GREB1L: variants seen among roughly 807,000 people sequenced by gnomAD.
GREB1L encodes the protein GREB1 like retinoic acid receptor coactivator.
A neutral mutation model predicts 200.8 loss-of-function variants in GREB1L; 17 were observed. The observed-to-expected ratio is 0.08, with a 90% CI of 0.06 to 0.13. GREB1L has a LOEUF of 0.13. GREB1L is among the 10% of genes least tolerant of loss of function. The pLI, the probability that GREB1L is intolerant of heterozygous loss-of-function variation, is 1.00. For synonymous variants in GREB1L, 789 were observed against 893.0 expected (o/e 0.88, Z 2.08); for missense variants, 1,657 against 2,367.7 (o/e 0.70, Z 6.23).
rs564932221 is a variant in GREB1L at position 21,502,520 on chromosome 18, G to A, written c.4072+1878G>A. On this transcript the variant is annotated intron_variant, in intron 23 of 32. Coordinates refer to ENST00000424526, the MANE Select transcript of GREB1L (RefSeq NM_001142966.3). ...CAGCCCAAGAAACTAGTTTAGGGCC[G>A]AGCAAGAGTAGGTAAAATCAGCCAT... Among the ~76,000 whole-genome samples the A allele has an allele frequency of 9.9e-5, 15 of 152,268 alleles. No individual in the cohort carries two copies. The South Asian group carries it at 2.7e-3, about 27-fold the overall frequency.
chr18:21,318,868 G>T (rs1423719277), intron 1 of GREB1L, among the ~76,000 whole-genome samples: 2 of 152,168 alleles, frequency 1.3e-5, no homozygotes, highest in Admixed American at 1.3e-4. Flanking sequence ...TCACAGGGTC[G>T]CTAACCAGTC....
At chr18:21,501,704 T>C (rs1239207449) in intron 23 of GREB1L, among the ~76,000 whole-genome samples, 3 of 152,252 alleles carry the variant, frequency 2.0e-5, no homozygotes, top group African/African-American at 7.2e-5. Context: ...TTCTGGATAC[T>C]AGTCCTTTGT....
chr18:21,285,723 G>A (rs945554185), intron 1 of GREB1L, among the ~76,000 whole-genome samples: 9 of 152,294 alleles, frequency 5.9e-5, no homozygotes, highest in African/African-American at 2.2e-4. Context: ...AAACCTGAAA[G>A]GTGCTTGGAA....
chr18:21,520,838 G>C lies in GREB1L; in HGVS notation c.5608+15G>C, dbSNP rs978690008. 3 of 1,520,872 alleles carry C rather than the reference G, an allele frequency of 2.0e-6. No individual in the cohort carries two copies. Among genetic ancestry groups the C allele is most frequent in the Non-Finnish European group, 2.7e-6 (3 of 1,129,846 alleles). 94.2% of individuals were successfully genotyped at this position (1,520,872 alleles called of 1,614,324 possible). A position where few individuals can be genotyped will look rare whatever the true frequency, so the allele number is the denominator to read the frequency against. ...ATTTCTAAAAGGTAAGTCAAATTTA[G>C]TATCTTGCTTGTAATTGCTATTGGT... On this transcript the variant is annotated intron_variant, in intron 32 of 32. Transcript: ENST00000424526.
intron 1 of GREB1L, among the ~76,000 whole-genome samples, chr18:21,352,180 T>C (rs2039443443): frequency 6.6e-6 from 1 of 152,110 alleles, no homozygotes; most frequent in Admixed American, 6.6e-5. Context: ...ATCAAATTCA[T>C]TGGCTTATGA....
At chr18:21,515,921 A>G (rs2037400759) in intron 29 of GREB1L, among the ~76,000 whole-genome samples, 1 of 152,216 alleles carries the variant, frequency 6.6e-6, no homozygotes, top group Non-Finnish European at 1.5e-5. Flanking sequence ...TACTGACTCA[A>G]GTCAGTGTGT....
At chr18:21,343,950 A>C (rs1007878527) in intron 1 of GREB1L, among the ~76,000 whole-genome samples, 1 of 151,964 alleles carries the variant, frequency 6.6e-6, no homozygotes, top group South Asian at 2.1e-4. Flanking sequence ...TAATTTTTGT[A>C]TTTTTAGTAG....
chr18:21,412,047 GTC>G, intron 7 of GREB1L, among the ~76,000 whole-genome samples: 1 of 103,222 alleles, frequency 9.7e-6, no homozygotes, highest in Non-Finnish European at 1.8e-5. Flanking sequence ...GCGAGACTCC[GTC>G]TCAAAAAAAA....
chr18:21,331,054 G>A (rs2039100255), intron 1 of GREB1L, among the ~76,000 whole-genome samples: 3 of 152,228 alleles, frequency 2.0e-5, no homozygotes, highest in East Asian at 1.9e-4. Context: ...TTTCATCTGC[G>A]GAGTTTTTTT....
At chr18:21,421,106 G>T (rs1341683657) in intron 7 of GREB1L, among the ~76,000 whole-genome samples, 1 of 152,162 alleles carries the variant, frequency 6.6e-6, no homozygotes, top group Non-Finnish European at 1.5e-5. Context: ...GCAGTTTCTT[G>T]GGGATGGGAG....
chr18:21,485,764 A>C lies in GREB1L; in HGVS notation c.2690+11A>C. 1.3e-6 allele frequency: 2 copies of C among 1,550,572 alleles called. No individual in the cohort carries two copies. Among genetic ancestry groups the C allele is most frequent in the Non-Finnish European group, 8.7e-7 (1 of 1,146,398 alleles). ...CACACTCTTGGAGAGGTAAATAGTA[A>C]ATAAGGCCTTCTGCTCTTCTCTCTA... On this transcript the variant is annotated intron_variant, in intron 18 of 32. Coordinates refer to ENST00000424526, the MANE Select transcript of GREB1L (RefSeq NM_001142966.3).
intron 1 of GREB1L, among the ~76,000 whole-genome samples, chr18:21,341,589 T>C (rs2145152406): frequency 6.6e-6 from 1 of 152,284 alleles, no homozygotes; most frequent in Middle Eastern, 3.4e-3. Context: ...CCCAGGCTGA[T>C]CTCAAACTCC....
chr18:21,285,414 T>C (rs1265388321), intron 1 of GREB1L, among the ~76,000 whole-genome samples: 2 of 152,214 alleles, frequency 1.3e-5, no homozygotes, highest in Non-Finnish European at 2.9e-5. Flanking sequence ...CTAAGTTTTA[T>C]GGTACAAACA....
chr18:21,287,795 T>A (rs917345689), intron 1 of GREB1L, among the ~76,000 whole-genome samples: 15 of 138,002 alleles, frequency 1.1e-4, no homozygotes, highest in African/African-American at 4.5e-4. Context: ...TTTAAAATCT[T>A]TTTTTTTTTT....
chr18:21,369,955 A>C (rs1388705594), intron 2 of GREB1L, among the ~76,000 whole-genome samples: 1 of 151,688 alleles, frequency 6.6e-6, no homozygotes, highest in Non-Finnish European at 1.5e-5. Flanking sequence ...TCTCAAAAAA[A>C]AAAAAAAAGA....
intron 2 of GREB1L, among the ~76,000 whole-genome samples, chr18:21,379,455 C>T (rs1179294518): frequency 1.3e-5 from 2 of 152,178 alleles, no homozygotes; most frequent in African/African-American, 4.8e-5. Flanking sequence ...ATCTGCCCGC[C>T]TTGGCCTCTC....
At chr18:21,509,395 C>G (rs2037147534) in intron 27 of GREB1L, among the ~76,000 whole-genome samples, 1 of 152,214 alleles carries the variant, frequency 6.6e-6, no homozygotes, top group Admixed American at 6.5e-5. Flanking sequence ...TAGAGCTGGA[C>G]TGGAGGGCAG....
At chr18:21,389,504 A>G (rs1252488685) in intron 4 of GREB1L, among the ~76,000 whole-genome samples, 1 of 151,878 alleles carries the variant, frequency 6.6e-6, no homozygotes, top group Non-Finnish European at 1.5e-5. Flanking sequence ...TAAATGGGAA[A>G]ACCCTCAAAG....
intron 10 of GREB1L, among the ~76,000 whole-genome samples, chr18:21,442,657 A>T (rs2033961602): frequency 6.6e-6 from 1 of 152,188 alleles, no homozygotes; most frequent in Non-Finnish European, 1.5e-5. Flanking sequence ...AAACAATTTG[A>T]GACTGTTTAC....
Sources: allele counts gnomAD v4.1 joint callset (sites outside exome capture counted in the v4.1 genomes callset), GRCh38; gene constraint gnomAD v4.1.1; transcripts MANE v1.5; gene names NCBI Gene and HGNC (gene_info 2026-07-23, HGNC 2026-07-21).